Variants in SHANK2 observed in about 807,000 individuals in gnomAD.
SHANK2 encodes the protein SH3 and multiple ankyrin repeat domains 2, also known as SH3 and multiple ankyrin repeat domains protein 2.
Under a neutral mutation model 133.7 loss-of-function variants are expected in SHANK2, and 43 were observed. That is an observed-to-expected ratio of 0.32 (90% CI 0.25 to 0.41). The LOEUF is 0.41. SHANK2 is among the 10% of genes least tolerant of loss of function. The pLI, the probability that SHANK2 is intolerant of heterozygous loss-of-function variation, is 1.00. For synonymous variants in SHANK2, 1,017 were observed against 952.8 expected, an observed-to-expected ratio of 1.07 and a Z score of -1.24; for missense variants, 1,994 against 2,235.8, an observed-to-expected ratio of 0.89 and a Z score of 2.18.
At chr11:70,631,892 G>C (rs929639492) in intron 17 of SHANK2, 1 of 152,232 alleles carries the variant, frequency 6.6e-6, no homozygotes, top group African/African-American at 2.4e-5. Context: ...GCCCGTCTTG[G>C]AAAACACAAG....
intron 17 of SHANK2, among the ~76,000 whole-genome samples, chr11:70,592,894 G>A (rs2060344567): frequency 6.6e-6 from 1 of 152,172 alleles, no homozygotes; most frequent in Non-Finnish European, 1.5e-5. Context: ...TAGCACTCAG[G>A]GTTTCCAGCC....
In SHANK2 at chr11:70,486,674, C is replaced by A. The variant is rs1555153766; in HGVS notation, c.3619G>T (p.Gly1207Trp). 6.2e-7 allele frequency: 1 copy of A among 1,611,680 alleles called. No individual in the cohort carries two copies. The highest frequency in any genetic ancestry group is 2.2e-5 in the East Asian group (1 of 44,856). ...GPGNYVHPLT[G>W]RLLDPSSPLA... ...GGGGAGCTGGGATCAAGCAGCCGCC[C>A]TGTGAGTGGGTGGACATAATTCCCG... The change falls in exon 25 of 26, where the codon GGG becomes TGG. Residue 1207 changes from glycine (G) to tryptophan (W), a missense_variant. Gly to Trp is a radical substitution (Grantham distance 184, BLOSUM62 -2). Coordinates refer to ENST00000601538, the MANE Select transcript of SHANK2 (RefSeq NM_012309.5). This position sits in a 1 kb window ranked among gnomAD's most constrained non-coding sequence, Gnocchi z 8.0.
chr11:70,515,529 C>T (rs782809782), intron 17 of SHANK2, among the ~76,000 whole-genome samples: 16 of 145,914 alleles, frequency 1.1e-4, no homozygotes, highest in South Asian at 4.6e-4. Context: ...CAGCCCGGAG[C>T]GGTGGCTCAT....
chr11:70,792,295 TCAACCAACCAACCAAC>T (rs34682780), intron 14 of SHANK2, among the ~76,000 whole-genome samples: 27 of 137,264 alleles, frequency 2.0e-4, no homozygotes, highest in South Asian at 1.3e-3. Context: ...AAGCAATCAA[TCAACCAACCAACCAAC>T]CAACCAACCA....
intron 14 of SHANK2, among the ~76,000 whole-genome samples, chr11:70,764,921 A>C (rs1238769348): frequency 2.0e-5 from 3 of 152,240 alleles, no homozygotes; most frequent in Non-Finnish European, 4.4e-5. Flanking sequence ...GCAGGCACTG[A>C]TGAATCAGAG....
At chr11:70,615,519 T>A (rs1554995673) in intron 17 of SHANK2, among the ~76,000 whole-genome samples, 1 of 152,136 alleles carries the variant, frequency 6.6e-6, no homozygotes, top group African/African-American at 2.4e-5. Context: ...GGAGCTGCTT[T>A]CCAGGGTCCC....
intron 14 of SHANK2, among the ~76,000 whole-genome samples, chr11:70,757,859 C>T (rs573648563): frequency 6.6e-6 from 1 of 152,292 alleles, no homozygotes; most frequent in South Asian, 2.1e-4. Flanking sequence ...GTTGCTACAA[C>T]AAATGACCCC....
At chr11:70,924,701 C>A (rs1309403577) in intron 10 of SHANK2, among the ~76,000 whole-genome samples, 1 of 152,196 alleles carries the variant, frequency 6.6e-6, no homozygotes, top group Non-Finnish European at 1.5e-5. Flanking sequence ...AAGTGATCTG[C>A]CCGCCTTGAC....
At position 70,845,153 on chromosome 11, in the gene SHANK2, C is replaced by T. The variant is rs187812348; in HGVS notation, c.1175-24471G>A. Among the ~76,000 whole-genome samples the T allele has an allele frequency of 1.1e-3, 142 of 133,834 alleles. 1 individual carries two copies. The highest frequency in any genetic ancestry group is 3.7e-3 in the African/African-American group (132 of 35,206). The allele number at this position is 133,834 out of a possible 152,430, so 87.8% of individuals were successfully genotyped here. ...GGCAGAGGTTGCAGTGAGCCATGAT[C>T]GTGCCACTGCACTCCAGCCTGGGTG... On this transcript the variant is annotated intron_variant, in intron 11 of 25. Transcript: ENST00000601538.
chr11:71,207,681 C>A (rs1000808598), intron 2 of SHANK2, among the ~76,000 whole-genome samples: 1 of 152,210 alleles, frequency 6.6e-6, no homozygotes, highest in Non-Finnish European at 1.5e-5. Context: ...AACAAATCGA[C>A]AGAGCAGGAC....
At position 71,147,121 on chromosome 11, in the gene SHANK2, G is replaced by A. The variant is rs782547223; in HGVS notation, c.206C>T (p.Thr69Met). 105 of 1,545,960 alleles carry A rather than the reference G, an allele frequency of 6.8e-5. No homozygotes were observed. The highest frequency in any genetic ancestry group is 2.1e-4 in the African/African-American group (15 of 72,982). The part of the protein sequence containing the change: ...IRVVIHDLQQ[T>M]KCIRFNPDAT... ...CAAAGGGCAGACCACGGGGCTCACC[G>A]TCTGCTGCAGGTCATGGATGACCAC... is the stretch of plus-strand genomic sequence containing the variant. The change falls in exon 3 of 26, where the codon ACG becomes ATG. Residue 69 changes from threonine to methionine, a missense_variant and splice_region_variant. Physicochemically the swap from Thr to Met is moderately conservative, Grantham distance 81. Transcript: ENST00000601538.
intron 17 of SHANK2, among the ~76,000 whole-genome samples, chr11:70,526,818 A>G (rs1430106438): frequency 3.7e-5 from 5 of 133,844 alleles, no homozygotes; most frequent in Admixed American, 1.5e-4. Flanking sequence ...AACACCCCCT[A>G]TCATGTGCTG....
In SHANK2 at chr11:70,485,545, G is replaced by C. The variant is rs1057228974; in HGVS notation, c.4748C>G (p.Pro1583Arg). 6.2e-7 allele frequency: 1 copy of C among 1,612,788 alleles called. No individual in the cohort carries two copies. ...AGGCTGGGCACTGCCCGGCGGGGGC[G>C]GGGGAGCGGGCGGGGGGATAACAAA... is the stretch of plus-strand genomic sequence containing the variant. ...DSFVIPPPAP[P>R]PPPGSAQPGM... Residue 1583 changes from proline to arginine, a missense_variant, in exon 25 of 26, where the codon CCG (proline) becomes CGG (arginine). Around this residue, in one of 5 missense-constraint regions of SHANK2, gnomAD observed 797 missense variants for 907.4 expected, o/e 0.88. Coordinates refer to ENST00000601538, the MANE Select transcript of SHANK2 (RefSeq NM_012309.5). The surrounding 1 kb of genome is among the most constrained non-coding windows in gnomAD (Gnocchi z 5.8).
chr11:71,085,619 T>TATTATATAATA (rs1951375015), intron 8 of SHANK2, among the ~76,000 whole-genome samples: 1 of 72,614 alleles, frequency 1.4e-5, no homozygotes, highest in Admixed American at 2.6e-4. Context: ...ATATATTATA[T>TATTATATAATA]TATATATTAT....
At chr11:71,219,148 C>T (rs1954481850) in intron 2 of SHANK2, among the ~76,000 whole-genome samples, 1 of 152,208 alleles carries the variant, frequency 6.6e-6, no homozygotes, top group Non-Finnish European at 1.5e-5. Context: ...AGAAAAGTGG[C>T]ATGGTTCTAG....
chr11:70,898,275 C>T (rs184298259), intron 10 of SHANK2, among the ~76,000 whole-genome samples: 1,509 of 92,400 alleles, frequency 0.016, 10 homozygotes, highest in Middle Eastern at 0.031. Context: ...CAAATATATA[C>T]ACACACGCAC....
chr11:70,507,548 A>C (rs1007156678), intron 17 of SHANK2, among the ~76,000 whole-genome samples: 1 of 152,196 alleles, frequency 6.6e-6, no homozygotes, highest in African/African-American at 2.4e-5. Flanking sequence ...CTTTCTGAGC[A>C]TGAGGAGGAG....
At chr11:70,858,227 T>C (rs1223085812) in intron 11 of SHANK2, among the ~76,000 whole-genome samples, 2 of 152,176 alleles carry the variant, frequency 1.3e-5, no homozygotes, top group Non-Finnish European at 2.9e-5. Flanking sequence ...TTAAATGAAG[T>C]CATCAAAATT....
chr11:71,198,904 G>A (rs1555116650), intron 2 of SHANK2, among the ~76,000 whole-genome samples: 1 of 152,190 alleles, frequency 6.6e-6, no homozygotes, highest in South Asian at 2.1e-4. Context: ...GCAGCTTTGA[G>A]AGTTGCCTGT....
Sources: gnomAD v4.1 joint callset for allele counts (sites outside exome capture counted in the v4.1 genomes callset) on GRCh38, gnomAD v4.1.1 for gene constraint, gnomAD v4.1.1 regional missense constraint, Gnocchi (gnomAD v3.1) non-coding constraint, MANE v1.5 for transcripts, NCBI Gene and HGNC (gene_info 2026-07-23, HGNC 2026-07-21) for gene names.